Variants in TNFRSF8 observed in about 807,000 individuals in gnomAD.
The protein encoded by TNFRSF8 is tumor necrosis factor receptor superfamily member 8.
In TNFRSF8, 26 loss-of-function variants were observed where a neutral mutation model predicts 70.8. The ratio of observed to expected loss-of-function variants is 0.37; its 90% CI spans 0.27 to 0.51. TNFRSF8 has a LOEUF of 0.51. TNFRSF8 is among the 20% of genes least tolerant of loss of function. TNFRSF8 has a pLI of 0.94. For missense variants in TNFRSF8, 720 were observed against 807.9 expected (o/e 0.89, Z 1.32); for synonymous variants, 356 against 339.2 (o/e 1.05, Z -0.54).
At chr1:12,090,233 T>C in intron 2 of TNFRSF8, among the ~76,000 whole-genome samples, 1 of 109,828 alleles carries the variant, frequency 9.1e-6, no homozygotes, top group African/African-American at 3.6e-5. Flanking sequence ...CCATCCACCT[T>C]TCCCCATCCA....
rs1411813533 is a variant in TNFRSF8 at position 12,138,263 on chromosome 1, T to A, written c.1370T>A (p.Val457Asp). Residue 457 changes from valine to aspartate, a missense_variant, in exon 14 of 15, where the codon GTC (valine) becomes GAC (aspartate). By Grantham distance (152) the Val-to-Asp change is radical. Transcript: ENST00000263932. The surrounding 1 kb of genome is among the most constrained non-coding windows in gnomAD (Gnocchi z 5.7). ...AGTGGTGCGTCGGTGACAGAACCCG[T>A]CGCGGAAGAGCGAGGGTTAATGAGC... The part of the protein sequence containing the change: ...LRSGASVTEP[V>D]AEERGLMSQP... 5 of 1,613,406 alleles carry A rather than the reference T, an allele frequency of 3.1e-6. No individual in the cohort carries two copies. The highest frequency in any genetic ancestry group is 4.2e-6 in the Non-Finnish European group (5 of 1,179,868).
At position 12,119,684 on chromosome 1, in the gene TNFRSF8, A is replaced by G. The variant is rs1641794938; in HGVS notation, c.947-3600A>G. Among the ~76,000 whole-genome samples the G allele has an allele frequency of 6.6e-6, 1 of 151,656 alleles. No individual in the cohort carries two copies. Among genetic ancestry groups the G allele is most frequent in the South Asian group, 2.1e-4 (1 of 4,814 alleles). ...TGGCATGATCTTGGCTCACTGCAGC[A>G]TTGAACTCCTGGGCTCGGGCGATCC... On this transcript the variant is annotated intron_variant, in intron 8 of 14. Coordinates refer to ENST00000263932, the MANE Select transcript of TNFRSF8 (RefSeq NM_001243.5). The surrounding 1 kb of genome is among the most constrained non-coding windows in gnomAD (Gnocchi z 4.4).
intron 1 of TNFRSF8, among the ~76,000 whole-genome samples, chr1:12,064,524 A>G (rs536728058): frequency 6.6e-6 from 1 of 152,014 alleles, no homozygotes; most frequent in African/African-American, 2.4e-5. Context: ...TGAATGATAC[A>G]GAGGGAAAGG....
chr1:12,085,795 G>A (rs1485840215), intron 2 of TNFRSF8, among the ~76,000 whole-genome samples: 2 of 152,212 alleles, frequency 1.3e-5, no homozygotes, highest in Non-Finnish European at 2.9e-5. Flanking sequence ...CTGGAATAGG[G>A]TCATGAGGCA....
chr1:12,129,358 G>A (rs1642004292), intron 12 of TNFRSF8, among the ~76,000 whole-genome samples: 1 of 152,146 alleles, frequency 6.6e-6, no homozygotes, highest in African/African-American at 2.4e-5. Flanking sequence ...GACAGACAAG[G>A]GTGTATTTTA....
chr1:12,132,608 C>T (rs1039464698), intron 12 of TNFRSF8, among the ~76,000 whole-genome samples: 4 of 152,092 alleles, frequency 2.6e-5, no homozygotes, highest in South Asian at 2.1e-4. Flanking sequence ...GAGGCCAAGC[C>T]TGGCAGATCA....
At chr1:12,091,999 C>T (rs1399079377) in intron 2 of TNFRSF8, among the ~76,000 whole-genome samples, 4 of 152,162 alleles carry the variant, frequency 2.6e-5, no homozygotes, top group African/African-American at 4.8e-5. Flanking sequence ...CCGTCACTCA[C>T]CTCCTGCTGT....
intron 13 of TNFRSF8, among the ~76,000 whole-genome samples, chr1:12,136,588 GCAGGGAGCCGAGATTGCAC>G (rs1395845016): frequency 6.7e-6 from 1 of 149,596 alleles, no homozygotes; most frequent in African/African-American, 2.5e-5. Context: ...GACAGAGGTT[GCAGGGAGCCGAGATTGCAC>G]CACTGCTCTC....
At position 12,133,953 on chromosome 1, in the gene TNFRSF8, T is replaced by C. The variant is rs112458367; in HGVS notation, c.1310-1635T>C. ...CGGTAATCCCAGCTACTTGTGAGAA[T>C]TGCTTAAACCTGTGAGGCAGAGGTT... is the stretch of plus-strand genomic sequence containing the variant. On this transcript the variant is annotated intron_variant, in intron 12 of 14. Coordinates refer to ENST00000263932, the MANE Select transcript of TNFRSF8 (RefSeq NM_001243.5). 2.6e-5 allele frequency among the ~76,000 whole-genome samples: 4 copies of C among 152,182 alleles called. 1 individual carries two copies. The highest frequency in any genetic ancestry group is 9.6e-5 in the African/African-American group (4 of 41,500).
At chr1:12,137,426 G>A (rs1642166431) in intron 13 of TNFRSF8, among the ~76,000 whole-genome samples, 2 of 152,028 alleles carry the variant, frequency 1.3e-5, no homozygotes, top group African/African-American at 4.8e-5. Context: ...TGCCTCCTCT[G>A]AATTACTCAC....
Position 12,108,079 on chromosome 1 carries a change from TTTA to T in TNFRSF8, c.422-1484_422-1482del, listed in dbSNP as rs1387610052. Among the ~76,000 whole-genome samples the T allele has an allele frequency of 6.6e-6, 1 of 151,248 alleles. No homozygotes were observed. Among genetic ancestry groups the T allele is most frequent in the Non-Finnish European group, 1.5e-5 (1 of 67,780 alleles). On this transcript the variant is annotated intron_variant, in intron 4 of 14. Coordinates refer to ENST00000263932, the MANE Select transcript of TNFRSF8 (RefSeq NM_001243.5). The surrounding 1 kb of genome is among the most constrained non-coding windows in gnomAD (Gnocchi z 4.0). The stretch of plus-strand genomic sequence containing the variant: ...TCCCACACATACAGGCCACCATTTT[TTTA>T]TTTTTTTTTTTTTTGTGATGGAGCC...
At chr1:12,094,695 G>A (rs1258942871) in intron 2 of TNFRSF8, among the ~76,000 whole-genome samples, 1 of 146,336 alleles carries the variant, frequency 6.8e-6, no homozygotes, top group Non-Finnish European at 1.5e-5. Flanking sequence ...ACGCGATCTC[G>A]GCTCACTGCA....
chr1:12,105,480 T>G (rs1444785218), intron 4 of TNFRSF8, among the ~76,000 whole-genome samples: 2 of 151,790 alleles, frequency 1.3e-5, no homozygotes, highest in Non-Finnish European at 2.9e-5. Flanking sequence ...ACAGCCCCCA[T>G]GGCAGACAGC....
Position 12,067,414 on chromosome 1 carries a change from C to T in TNFRSF8, c.63+3753C>T, listed in dbSNP as rs139490525. 1.6e-3 allele frequency among the ~76,000 whole-genome samples: 245 copies of T among 152,254 alleles called. 2 individuals carry two copies. Among genetic ancestry groups the T allele is most frequent in the African/African-American group, 5.4e-3 (225 of 41,546 alleles). On this transcript the variant is annotated intron_variant, in intron 1 of 14. Transcript: ENST00000263932. The stretch of plus-strand genomic sequence containing the variant: ...TGAAAGTATCTTAGCTGGGGCCGGG[C>T]GCTGTGGCTCACACCTGTAATCCCA...
At chr1:12,117,901 G>A (rs900373891) in intron 8 of TNFRSF8, among the ~76,000 whole-genome samples, 5 of 150,642 alleles carry the variant, frequency 3.3e-5, no homozygotes, top group Admixed American at 6.6e-5. Flanking sequence ...CTCCAGCTCC[G>A]TGTGGACACA....
chr1:12,081,969 T>G (rs1402139283), intron 1 of TNFRSF8, among the ~76,000 whole-genome samples: 2 of 114,210 alleles, frequency 1.8e-5, no homozygotes, highest in East Asian at 4.1e-4. Context: ...CCTGCTTCCC[T>G]TCTCTTGCCT....
intron 8 of TNFRSF8, among the ~76,000 whole-genome samples, chr1:12,122,144 C>T (rs765535493): frequency 2.6e-5 from 4 of 152,028 alleles, no homozygotes; most frequent in Non-Finnish European, 5.9e-5. Flanking sequence ...AGTTAGTTAC[C>T]TTTGTCAGAA....
chr1:12,087,044 C>G (rs1002533520), intron 2 of TNFRSF8, among the ~76,000 whole-genome samples: 3 of 151,056 alleles, frequency 2.0e-5, no homozygotes, highest in Non-Finnish European at 4.4e-5. Context: ...ACACCCACCC[C>G]TCTCCTGGCC....
chr1:12,069,656 C>A (rs1209422505), intron 1 of TNFRSF8, among the ~76,000 whole-genome samples: 1 of 152,246 alleles, frequency 6.6e-6, no homozygotes, highest in Non-Finnish European at 1.5e-5. Context: ...CTCTTCAATT[C>A]ATTCATTCCA....
Sources: gnomAD v4.1 joint callset for allele counts (sites outside exome capture counted in the v4.1 genomes callset) on GRCh38, gnomAD v4.1.1 for gene constraint, Gnocchi (gnomAD v3.1) non-coding constraint, MANE v1.5 for transcripts, NCBI Gene and HGNC (gene_info 2026-07-23, HGNC 2026-07-21) for gene names.